PACRG: variants seen among roughly 807,000 people sequenced by gnomAD.
The protein encoded by PACRG is parkin coregulated.
Under a neutral mutation model 29.7 loss-of-function variants are expected in PACRG, and 29 were observed. The ratio of observed to expected loss-of-function variants is 0.98; its 90% confidence interval spans 0.73 to 1.33. PACRG has a LOEUF of 1.33. Among genes scored for constraint, PACRG ranks in the 40% most tolerant of loss-of-function variants. PACRG has a pLI of 0.00. For missense variants in PACRG, 279 were observed against 316.2 expected (o/e 0.88, Z 0.89); for synonymous variants, 116 against 118.7 (o/e 0.98, Z 0.15).
intron 2 of PACRG, among the ~76,000 whole-genome samples, chr6:162,977,942 A>G (rs1426481224): frequency 6.6e-6 from 1 of 150,644 alleles, no homozygotes; most frequent in African/African-American, 2.5e-5. Flanking sequence ...TCAGGAGTTC[A>G]AGACCAGCCT....
chr6:163,232,534 G>A (rs1388782505), intron 4 of PACRG, among the ~76,000 whole-genome samples: 1 of 152,206 alleles, frequency 6.6e-6, no homozygotes, highest in African/African-American at 2.4e-5. Context: ...GTGGGAAGGT[G>A]TGGAAATAAG....
intron 2 of PACRG, among the ~76,000 whole-genome samples, chr6:163,050,149 A>AT (rs1016630909): frequency 6.6e-6 from 1 of 151,780 alleles, no homozygotes; most frequent in African/African-American, 2.4e-5. Flanking sequence ...TTCTCTCCAT[A>AT]TTTTTTCCTG....
intron 2 of PACRG, among the ~76,000 whole-genome samples, chr6:162,816,454 G>A (rs1787351541): frequency 6.6e-6 from 1 of 152,134 alleles, no homozygotes; most frequent in Non-Finnish European, 1.5e-5. Context: ...CTGGGTTCAC[G>A]CCATTCTCCT....
chr6:163,012,886 C>A (rs1342749357), intron 2 of PACRG, among the ~76,000 whole-genome samples: 1 of 152,162 alleles, frequency 6.6e-6, no homozygotes, highest in Non-Finnish European at 1.5e-5. Flanking sequence ...TGATCCAAAG[C>A]TTTCACGGTC....
At chr6:163,207,914 G>A (rs1780972732) in intron 4 of PACRG, among the ~76,000 whole-genome samples, 1 of 152,202 alleles carries the variant, frequency 6.6e-6, no homozygotes, top group African/African-American at 2.4e-5. Flanking sequence ...AGAAAGAAAG[G>A]CAAGCTCTCA....
At chr6:162,787,580 GTGTATATATATATATATATATATATA>G (rs1245903260) in intron 1 of PACRG, among the ~76,000 whole-genome samples, 3 of 69,178 alleles carry the variant, frequency 4.3e-5, no homozygotes, top group African/African-American at 1.8e-4. Context: ...GTGTGTGTGT[GTGTATATATATATATATATATATATA>G]TATATATATA....
intron 4 of PACRG, among the ~76,000 whole-genome samples, chr6:163,232,917 C>G (rs2128164436): frequency 6.6e-6 from 1 of 152,310 alleles, no homozygotes; most frequent in Non-Finnish European, 1.5e-5. Context: ...GCCCTCAGCC[C>G]TCTCCCAACT....
At chr6:163,100,152 G>C (rs1300643605) in intron 4 of PACRG, among the ~76,000 whole-genome samples, 2 of 151,898 alleles carry the variant, frequency 1.3e-5, no homozygotes, top group African/African-American at 4.8e-5. Flanking sequence ...GGCTCGGCCC[G>C]AACCCACCAC....
intron 4 of PACRG, among the ~76,000 whole-genome samples, chr6:163,304,103 T>G (rs969338366): frequency 3.3e-5 from 5 of 151,768 alleles, no homozygotes; most frequent in Non-Finnish European, 5.9e-5. Flanking sequence ...AATTTAAAGA[T>G]GATCCAGGTA....
chr6:163,098,635 G>T (rs753328873), intron 4 of PACRG, among the ~76,000 whole-genome samples: 106 of 152,208 alleles, frequency 7.0e-4, no homozygotes, highest in Admixed American at 2.4e-3. Flanking sequence ...CAGATCCAAA[G>T]AGAGCATTCT....
intron 1 of PACRG, among the ~76,000 whole-genome samples, chr6:162,781,155 A>C (rs1784064167): frequency 6.6e-6 from 1 of 152,052 alleles, no homozygotes; most frequent in Non-Finnish European, 1.5e-5. Context: ...AAAATGACAC[A>C]ATGTAAATAA....
At chr6:162,804,542 T>C (rs928551720) in intron 1 of PACRG, among the ~76,000 whole-genome samples, 1 of 152,228 alleles carries the variant, frequency 6.6e-6, no homozygotes, top group Non-Finnish European at 1.5e-5. Flanking sequence ...GTAATGTTCA[T>C]AAAGCAATGA....
intron 2 of PACRG, among the ~76,000 whole-genome samples, chr6:162,896,072 A>G (rs866929064): frequency 1.3e-5 from 2 of 152,262 alleles, no homozygotes; most frequent in Middle Eastern, 3.4e-3. Context: ...TGTGTAGAGA[A>G]GGATTGACCA....
At chr6:162,738,981 A>G (rs1261125044) in intron 1 of PACRG, among the ~76,000 whole-genome samples, 2 of 152,122 alleles carry the variant, frequency 1.3e-5, no homozygotes, top group African/African-American at 2.4e-5. Context: ...ATAACATCCT[A>G]TTGTAGGATT....
At chr6:162,851,093 G>A (rs559901034) in intron 2 of PACRG, among the ~76,000 whole-genome samples, 1 of 152,322 alleles carries the variant, frequency 6.6e-6, no homozygotes, top group Admixed American at 6.5e-5. Context: ...GGGTGAGAGC[G>A]GAGGAAAATG....
chr6:163,274,724 C>G (rs2128181509), intron 4 of PACRG, among the ~76,000 whole-genome samples: 1 of 152,306 alleles, frequency 6.6e-6, no homozygotes, highest in East Asian at 1.9e-4. Context: ...GATCACCGTT[C>G]TGTTGTTTTC....
chr6:162,814,082 CTTT>C (rs778341493), intron 1 of PACRG, 62 bp from the exon 2 acceptor site: 7 of 1,473,514 alleles, frequency 4.8e-6, no homozygotes, highest in Non-Finnish European at 5.5e-6. Flanking sequence ...ACAGAAAGTT[CTTT>C]TATTATGAAT....
chr6:162,955,698 C>A (rs188786786), intron 2 of PACRG, among the ~76,000 whole-genome samples: 159 of 152,274 alleles, frequency 1.0e-3, no homozygotes, highest in Non-Finnish European at 1.7e-3. Context: ...TTTTGATATT[C>A]TCTTTGTTTG....
At chr6:162,914,219 A>G (rs2128083107) in intron 2 of PACRG, among the ~76,000 whole-genome samples, 1 of 152,112 alleles carries the variant, frequency 6.6e-6, no homozygotes, top group African/African-American at 2.4e-5. Flanking sequence ...ATCAATTTTT[A>G]GTTAGTTTGT....
Sources: allele counts gnomAD v4.1 joint callset (sites outside exome capture counted in the v4.1 genomes callset), GRCh38; gene constraint gnomAD v4.1.1; transcripts MANE v1.5; gene names NCBI Gene and HGNC (gene_info 2026-07-23, HGNC 2026-07-21).